NAALADL2: variants seen among roughly 807,000 people sequenced by gnomAD.
NAALADL2 encodes N-acetylated alpha-linked acidic dipeptidase like 2.
A neutral mutation model predicts 87.2 loss-of-function variants in NAALADL2; 76 were observed. The observed-to-expected ratio is 0.87, with a 90% CI of 0.72 to 1.05. The LOEUF (loss-of-function observed/expected upper bound fraction) is 1.05, where lower values mean the gene tolerates loss of function less well. Ranked by LOEUF, NAALADL2 falls within the 50% of genes least tolerant of loss-of-function variation. The pLI, the probability that NAALADL2 is intolerant of heterozygous loss-of-function variation, is 0.00. For synonymous variants in NAALADL2, 354 were observed against 331.0 expected, an observed-to-expected ratio of 1.07 and a Z score of -0.75; for missense variants, 1,089 against 945.8, an observed-to-expected ratio of 1.15 and a Z score of -1.99.
At chr3:175,438,226 T>C (rs10433472) in intron 5 of NAALADL2, among the ~76,000 whole-genome samples, 7,411 of 152,120 alleles carry the variant, frequency 0.049, 431 homozygotes, top group East Asian at 0.14. Context: ...AAACAATACT[T>C]TGCTGACGTT....
chr3:175,196,798 A>T (rs991758743), intron 2 of NAALADL2, among the ~76,000 whole-genome samples: 2 of 151,904 alleles, frequency 1.3e-5, no homozygotes, highest in East Asian at 1.9e-4. Flanking sequence ...CTTACACTGG[A>T]TTCATTTGTC....
At chr3:175,423,051 A>ATATATATATTTTT (rs1458599872) in intron 5 of NAALADL2, among the ~76,000 whole-genome samples, 1 of 91,510 alleles carries the variant, frequency 1.1e-5, no homozygotes. Context: ...ATATATATAT[A>ATATATATATTTTT]TTTTTTTTTT....
intron 3 of NAALADL2, among the ~76,000 whole-genome samples, chr3:174,772,109 T>C (rs938379482): frequency 4.6e-5 from 7 of 152,188 alleles, no homozygotes; most frequent in African/African-American, 1.7e-4. Context: ...ACAAAGGAAA[T>C]GACTAAGCTT....
chr3:174,533,867 G>A (rs1421980732), intron 1 of NAALADL2, among the ~76,000 whole-genome samples: 1 of 152,074 alleles, frequency 6.6e-6, no homozygotes, highest in Non-Finnish European at 1.5e-5. Context: ...TGACATTTGA[G>A]AATAAGACAT....
intron 3 of NAALADL2, among the ~76,000 whole-genome samples, chr3:175,248,915 C>T (rs958259182): frequency 3.3e-5 from 5 of 151,988 alleles, no homozygotes; most frequent in African/African-American, 4.8e-5. Flanking sequence ...ATATAGCTGT[C>T]TGACATAAGG....
At chr3:174,748,966 A>C (rs1734554346) in intron 3 of NAALADL2, among the ~76,000 whole-genome samples, 1 of 152,202 alleles carries the variant, frequency 6.6e-6, no homozygotes, top group Non-Finnish European at 1.5e-5. Flanking sequence ...GTATACCCAT[A>C]AACTACTTCA....
chr3:174,700,483 A>C (rs544073907), intron 2 of NAALADL2, among the ~76,000 whole-genome samples: 1 of 152,266 alleles, frequency 6.6e-6, no homozygotes, highest in East Asian at 1.9e-4. Context: ...CTCTCCATGG[A>C]ACAGCCATGA....
intron 11 of NAALADL2, among the ~76,000 whole-genome samples, chr3:175,668,315 T>C (rs2149835342): frequency 6.6e-6 from 1 of 152,308 alleles, no homozygotes; most frequent in East Asian, 1.9e-4. Flanking sequence ...TGATAAGTTT[T>C]ATGTCATGGC....
chr3:174,828,245 G>A (rs1011557073), intron 3 of NAALADL2, among the ~76,000 whole-genome samples: 1 of 152,072 alleles, frequency 6.6e-6, no homozygotes, highest in East Asian at 1.9e-4. Flanking sequence ...TTATAGCACA[G>A]CAGTGGCTCT....
intron 2 of NAALADL2, among the ~76,000 whole-genome samples, chr3:174,583,763 T>A (rs776014347): frequency 6.6e-6 from 1 of 152,136 alleles, no homozygotes; most frequent in Non-Finnish European, 1.5e-5. Flanking sequence ...TATTTGAATG[T>A]TTGGAATTTC....
rs1288691674 is a variant in NAALADL2, at chr3:175,616,521, C to A, written c.1801-10770C>A. Among the ~76,000 whole-genome samples, 6 of 152,002 alleles carry A rather than the reference C, an allele frequency of 3.9e-5. 1 individual carries two copies. Among genetic ancestry groups the A allele is most frequent in the Admixed American group, 6.6e-5 (1 of 15,252 alleles). On this transcript the variant is annotated intron_variant, in intron 10 of 13. Coordinates refer to ENST00000454872, the MANE Select transcript of NAALADL2 (RefSeq NM_207015.3). ...AGAGCCAGCTAGAAGAGATTGCATG[C>A]CATAGTACAATGTAGGAACTCTGAA...
intron 13 of NAALADL2, among the ~76,000 whole-genome samples, chr3:175,774,596 T>G (rs1259223982): frequency 6.6e-6 from 1 of 151,966 alleles, no homozygotes; most frequent in Non-Finnish European, 1.5e-5. Flanking sequence ...TCTAAATAAT[T>G]TTTTTAAGGA....
intron 13 of NAALADL2, 83 bp downstream of exon 13, chr3:175,755,501 A>G: frequency 9.9e-7 from 1 of 1,009,122 alleles, no homozygotes; most frequent in Non-Finnish European, 1.4e-6. Flanking sequence ...ACCTTCTATG[A>G]ACATAACAGT....
chr3:175,261,672 TAC>T (rs1751069646), intron 4 of NAALADL2, among the ~76,000 whole-genome samples: 1 of 152,122 alleles, frequency 6.6e-6, no homozygotes. Flanking sequence ...TATTCTTATA[TAC>T]TTTTTTATCC....
At chr3:175,641,231 G>A (rs1362694463) in intron 11 of NAALADL2, among the ~76,000 whole-genome samples, 2 of 152,080 alleles carry the variant, frequency 1.3e-5, no homozygotes, top group Non-Finnish European at 2.9e-5. Context: ...AGCCTTTCCT[G>A]GAGATGCTTT....
chr3:174,667,628 G>A (rs888785129), intron 2 of NAALADL2, among the ~76,000 whole-genome samples: 2 of 145,350 alleles, frequency 1.4e-5, no homozygotes, highest in African/African-American at 5.0e-5. Context: ...GAGTTTTATA[G>A]TGGGCATACT....
chr3:175,649,576 T>A (rs1475015731), intron 11 of NAALADL2, among the ~76,000 whole-genome samples: 3 of 152,096 alleles, frequency 2.0e-5, no homozygotes, highest in African/African-American at 7.2e-5. Flanking sequence ...AGTCTCCCCT[T>A]GGGTTGCAGA....
chr3:175,219,063 GT>G (rs1420438066), intron 2 of NAALADL2, among the ~76,000 whole-genome samples: 4 of 152,066 alleles, frequency 2.6e-5, no homozygotes, highest in African/African-American at 9.6e-5. Flanking sequence ...GTCAGCTCCA[GT>G]TTTTTACTCT....
intron 2 of NAALADL2, among the ~76,000 whole-genome samples, chr3:174,692,674 T>G (rs927494651): frequency 3.9e-5 from 6 of 152,078 alleles, no homozygotes; most frequent in African/African-American, 1.4e-4. Flanking sequence ...TAGGACAAAT[T>G]ACTAAGCCCA....
Sources: allele counts gnomAD v4.1 joint callset (sites outside exome capture counted in the v4.1 genomes callset), GRCh38; gene constraint gnomAD v4.1.1; transcripts MANE v1.5; gene names NCBI Gene and HGNC (gene_info 2026-07-23, HGNC 2026-07-21).